Variants in CSMD1 observed in about 807,000 individuals in gnomAD.
CSMD1 encodes CUB and sushi domain-containing protein 1.
A neutral mutation model predicts 417.5 loss-of-function variants in CSMD1; 213 were observed. That is an observed-to-expected ratio of 0.51 (90% CI 0.46 to 0.57). The LOEUF (loss-of-function observed/expected upper bound fraction) is 0.57, where lower values mean the gene tolerates loss of function less well. Among genes scored for constraint, CSMD1 ranks in the 20% least tolerant of loss-of-function variants. The probability of loss-of-function intolerance (pLI) is 0.00; values close to 1 mark genes in which losing one functional copy is unlikely to be tolerated. For missense variants in CSMD1, 6,923 were observed against 4,529.7 expected (o/e 1.53, Z -15.17); for synonymous variants, 2,862 against 1,736.8 (o/e 1.65, Z -16.11).
intron 26 of CSMD1, among the ~76,000 whole-genome samples, chr8:3,269,972 A>C (rs925623553): frequency 3.3e-5 from 5 of 150,988 alleles, no homozygotes; most frequent in African/African-American, 1.2e-4. Context: ...TCACAACCCT[A>C]CTCCATTGAT....
At chr8:4,190,208 G>C (rs914825293) in intron 3 of CSMD1, among the ~76,000 whole-genome samples, 3 of 142,294 alleles carry the variant, frequency 2.1e-5, no homozygotes, top group Non-Finnish European at 3.0e-5. Context: ...GCAGTGAGCT[G>C]AGATCGAGTC....
chr8:3,275,955 T>G (rs1421247302), intron 26 of CSMD1, among the ~76,000 whole-genome samples: 1 of 152,234 alleles, frequency 6.6e-6, no homozygotes, highest in Non-Finnish European at 1.5e-5. Context: ...TGTTCAGCTT[T>G]GTTCCGTTGC....
intron 7 of CSMD1, among the ~76,000 whole-genome samples, chr8:3,664,827 G>A (rs943102590): frequency 6.6e-6 from 1 of 152,142 alleles, no homozygotes. Context: ...CATTAAAATA[G>A]CTAAAAGTTT....
rs114923599 is a variant in CSMD1, at chr8:3,156,785, G to C, written c.5914+1112C>G. 7.0e-3 allele frequency among the ~76,000 whole-genome samples: 1,059 copies of C among 152,126 alleles called. 10 individuals are homozygous for C. Among genetic ancestry groups the C allele is most frequent in the African/African-American group, 0.024 (1,013 of 41,504 alleles). Reference sequence around the variant, plus strand: ...TTTCCTGTGATAAAGTTGGAGTATGGCTGAATATGGGAGCTGTAGGTTAGG... The same window carrying C: ...TTTCCTGTGATAAAGTTGGAGTATGCCTGAATATGGGAGCTGTAGGTTAGG... On this transcript the variant is annotated intron_variant, in intron 39 of 69. Transcript: ENST00000635120.
At chr8:3,394,396 T>C (rs1034325841) in intron 17 of CSMD1, among the ~76,000 whole-genome samples, 4 of 151,698 alleles carry the variant, frequency 2.6e-5, no homozygotes. Context: ...AAGAAGACAT[T>C]TATTTAAATG....
At chr8:3,536,329 T>C (rs1241018347) in intron 10 of CSMD1, among the ~76,000 whole-genome samples, 1 of 152,210 alleles carries the variant, frequency 6.6e-6, no homozygotes, top group Non-Finnish European at 1.5e-5. Flanking sequence ...TGGCAGCCTG[T>C]GGCTTCAATT....
chr8:3,477,873 G>A (rs1041387533), intron 11 of CSMD1, among the ~76,000 whole-genome samples: 3 of 152,164 alleles, frequency 2.0e-5, no homozygotes, highest in African/African-American at 7.2e-5. Context: ...TTTATATGAT[G>A]TGTACCACTG....
chr8:2,989,959 G>A (rs1475988268), intron 54 of CSMD1, among the ~76,000 whole-genome samples: 2 of 152,178 alleles, frequency 1.3e-5, no homozygotes, highest in Non-Finnish European at 2.9e-5. Flanking sequence ...TTGGGATATA[G>A]TAGGTGCTCA....
chr8:3,604,662 C>T (rs1325218963), intron 8 of CSMD1, among the ~76,000 whole-genome samples: 1 of 152,112 alleles, frequency 6.6e-6, no homozygotes, highest in Admixed American at 6.5e-5. Flanking sequence ...GGTGGAAATA[C>T]AGGAGGGGAA....
intron 2 of CSMD1, among the ~76,000 whole-genome samples, chr8:4,461,553 G>A (rs1799819595): frequency 6.7e-6 from 1 of 148,256 alleles, no homozygotes; most frequent in Non-Finnish European, 1.5e-5. Flanking sequence ...TTTTTTGGTG[G>A]GTGGGGGTGG....
chr8:3,535,893 G>C (rs991164866), intron 10 of CSMD1, among the ~76,000 whole-genome samples: 3 of 152,114 alleles, frequency 2.0e-5, no homozygotes, highest in African/African-American at 7.2e-5. Flanking sequence ...TGGCCACTAA[G>C]CTTCCCCCTC....
At chr8:3,576,119 T>C (rs1800140910) in intron 9 of CSMD1, among the ~76,000 whole-genome samples, 1 of 152,130 alleles carries the variant, frequency 6.6e-6, no homozygotes, top group Non-Finnish European at 1.5e-5. Flanking sequence ...AAGTCAGTTA[T>C]TATTCTAGCA....
At chr8:3,968,825 A>G (rs975617739) in intron 5 of CSMD1, among the ~76,000 whole-genome samples, 2 of 152,244 alleles carry the variant, frequency 1.3e-5, no homozygotes, top group Admixed American at 1.3e-4. Flanking sequence ...GATCCAGTAT[A>G]GGACAAGATT....
intron 1 of CSMD1, among the ~76,000 whole-genome samples, chr8:4,677,282 G>C (rs1355408615): frequency 1.3e-5 from 2 of 151,756 alleles, no homozygotes; most frequent in South Asian, 2.1e-4. Context: ...CAACAATGTA[G>C]TTAGAAATTA....
intron 26 of CSMD1, among the ~76,000 whole-genome samples, chr8:3,279,828 T>C (rs6558748): frequency 0.92 from 139,248 of 152,106 alleles, 64,161 homozygotes; most frequent in East Asian, 0.99. Flanking sequence ...TCATGAGACT[T>C]ACTTATTGTC....
At chr8:3,093,801 T>G (rs780107627) in intron 47 of CSMD1, among the ~76,000 whole-genome samples, 17 of 152,072 alleles carry the variant, frequency 1.1e-4, no homozygotes, top group Non-Finnish European at 1.3e-4. Context: ...AATCGGGCAA[T>G]GCTGACTTTG....
At chr8:4,651,035 C>A (rs886133458) in intron 1 of CSMD1, among the ~76,000 whole-genome samples, 1 of 152,000 alleles carries the variant, frequency 6.6e-6, no homozygotes, top group African/African-American at 2.4e-5. Flanking sequence ...ATTCACTGAT[C>A]AAAGCAGTAC....
chr8:4,411,409 A>G (rs758796831), intron 3 of CSMD1, among the ~76,000 whole-genome samples: 3 of 152,140 alleles, frequency 2.0e-5, no homozygotes, highest in Non-Finnish European at 4.4e-5. Flanking sequence ...TTCATTAACC[A>G]TTTGAAAAAA....
intron 2 of CSMD1, among the ~76,000 whole-genome samples, chr8:4,615,469 G>C (rs985634505): frequency 6.6e-6 from 1 of 152,094 alleles, no homozygotes; most frequent in African/African-American, 2.4e-5. Flanking sequence ...CATTGATTAG[G>C]TCAAAGTAAT....
Sources: gnomAD v4.1 joint callset for allele counts (sites outside exome capture counted in the v4.1 genomes callset) on GRCh38, gnomAD v4.1.1 for gene constraint, MANE v1.5 for transcripts, NCBI Gene and HGNC (gene_info 2026-07-23, HGNC 2026-07-21) for gene names.